CPNE8: variants seen among roughly 807,000 people sequenced by gnomAD.
The protein encoded by CPNE8 is copine 8.
A neutral mutation model predicts 81.5 loss-of-function variants in CPNE8; 45 were observed. The ratio of observed to expected loss-of-function variants is 0.55; its 90% CI spans 0.44 to 0.71. The LOEUF (loss-of-function observed/expected upper bound fraction) is 0.71, where lower values mean the gene tolerates loss of function less well. Among genes scored for constraint, CPNE8 ranks in the 30% least tolerant of loss-of-function variants. CPNE8 has a pLI of 0.00. For missense variants in CPNE8, 594 were observed against 672.1 expected, an observed-to-expected ratio of 0.88 and a Z score of 1.28; for synonymous variants, 252 against 226.3, an observed-to-expected ratio of 1.11 and a Z score of -1.02.
chr12:38,763,223 TGA>T (rs769608010), intron 8 of CPNE8, among the ~76,000 whole-genome samples: 26 of 152,248 alleles, frequency 1.7e-4, no homozygotes, highest in Admixed American at 5.2e-4. Context: ...GAGCTGCCCT[TGA>T]GAGGCCAGAC....
chr12:38,836,200 A>G (rs1943378107), intron 5 of CPNE8, among the ~76,000 whole-genome samples: 1 of 152,194 alleles, frequency 6.6e-6, no homozygotes, highest in Non-Finnish European at 1.5e-5. Flanking sequence ...CAGTATAGGG[A>G]AAAATATCTT....
At chr12:38,833,159 T>C (rs1943318504) in intron 5 of CPNE8, among the ~76,000 whole-genome samples, 1 of 151,412 alleles carries the variant, frequency 6.6e-6, no homozygotes, top group African/African-American at 2.4e-5. Context: ...TCAAGACCAG[T>C]CGGGCCAACA....
intron 6 of CPNE8, among the ~76,000 whole-genome samples, chr12:38,790,731 T>C (rs529465715): frequency 6.6e-6 from 1 of 151,746 alleles, no homozygotes; most frequent in South Asian, 2.1e-4. Flanking sequence ...TATACCACTA[T>C]GTACCCACAA....
At chr12:38,706,927 A>G (rs145614129) in intron 13 of CPNE8, among the ~76,000 whole-genome samples, 1,636 of 152,346 alleles carry the variant, frequency 0.011, 33 homozygotes, top group African/African-American at 0.036. Context: ...TCATAGATGC[A>G]AACGTCCTCT....
At chr12:38,815,577 G>A (rs1454667680) in intron 6 of CPNE8, among the ~76,000 whole-genome samples, 1 of 152,130 alleles carries the variant, frequency 6.6e-6, no homozygotes, top group African/African-American at 2.4e-5. Context: ...TCATTTCTAA[G>A]ATTTTAATAA....
chr12:38,730,479 A>G (rs1051125474), intron 10 of CPNE8, 121 bp from the exon 11 acceptor site: 17 of 494,500 alleles, frequency 3.4e-5, no homozygotes, highest in African/African-American at 3.3e-4. Context: ...ATGAATATAA[A>G]TTAATAATTT....
intron 5 of CPNE8, among the ~76,000 whole-genome samples, chr12:38,839,043 A>G (rs889013180): frequency 1.3e-5 from 2 of 152,160 alleles, no homozygotes; most frequent in Admixed American, 6.6e-5. Context: ...GGGAACTGTT[A>G]GTCCAGCCAG....
rs1941078473 is a variant in CPNE8 at position 38,740,709 on chromosome 12, T to C, written c.723-10351A>G. Among the ~76,000 whole-genome samples the C allele has an allele frequency of 2.0e-5, 3 of 152,216 alleles. No individual in the cohort carries two copies. In the South Asian group the frequency reaches 6.2e-4, roughly 32 times the overall value. On this transcript the variant is annotated intron_variant, in intron 10 of 19. Coordinates refer to ENST00000331366, the MANE Select transcript of CPNE8 (RefSeq NM_153634.3). ...GATTACGTTTATTGATTTGCATATG[T>C]TGAACCAGCCTTGCATCCCAGGGAT...
At chr12:38,799,815 C>T (rs1360530935) in intron 6 of CPNE8, among the ~76,000 whole-genome samples, 1 of 143,708 alleles carries the variant, frequency 7.0e-6, no homozygotes, top group African/African-American at 2.5e-5. Flanking sequence ...GTGCGCGAGC[C>T]GAAGCAGGGC....
At chr12:38,906,327 G>A (rs1220453407), upstream of CPNE8, 2 of 984,962 alleles carry the variant, frequency 2.0e-6, no homozygotes, top group African/African-American at 1.7e-5. Flanking sequence ...TGGGACAAGT[G>A]GGGGCGGGGG....
At chr12:38,905,173 C>A (rs1382419544) in intron 1 of CPNE8, among the ~76,000 whole-genome samples, 3 of 152,164 alleles carry the variant, frequency 2.0e-5, no homozygotes, top group Admixed American at 6.5e-5. Flanking sequence ...CCGGTGTTCC[C>A]ACAGCTGAGT....
intron 10 of CPNE8, among the ~76,000 whole-genome samples, chr12:38,738,648 C>T (rs963727666): frequency 2.0e-5 from 3 of 152,030 alleles, no homozygotes; most frequent in Admixed American, 2.0e-4. Flanking sequence ...TCAGATCTTT[C>T]AGATTTGAAA....
rs770177609 is a variant in CPNE8 at position 38,749,749 on chromosome 12, G to A, written c.722+11098C>T. 7.2e-5 allele frequency among the ~76,000 whole-genome samples: 11 copies of A among 152,238 alleles called. No individual in the cohort carries two copies. The South Asian group carries it at 1.0e-3, about 14-fold the overall frequency. On this transcript the variant is annotated intron_variant, in intron 10 of 19. Transcript: ENST00000331366. ...TTTCTAAGCAGCAAAGCATTCAAGAGGTGATTAGGGTGCTGTTAAAGGCAT... is the reference window on the plus strand; with the variant it reads ...TTTCTAAGCAGCAAAGCATTCAAGAAGTGATTAGGGTGCTGTTAAAGGCAT...
intron 6 of CPNE8, among the ~76,000 whole-genome samples, chr12:38,820,545 T>C (rs1592119024): frequency 6.6e-6 from 1 of 152,210 alleles, no homozygotes. Context: ...GCTGGTGAAG[T>C]ATCAAATAAA....
chr12:38,667,603 T>A (rs1216583086), intron 19 of CPNE8, among the ~76,000 whole-genome samples: 2 of 152,184 alleles, frequency 1.3e-5, no homozygotes, highest in Admixed American at 1.3e-4. Flanking sequence ...GCCACTGTCA[T>A]TCAGGGTGCT....
chr12:38,784,080 G>A (rs1183844419), intron 6 of CPNE8, among the ~76,000 whole-genome samples: 5 of 152,176 alleles, frequency 3.3e-5, no homozygotes, highest in African/African-American at 1.2e-4. Flanking sequence ...AGACAGAGAA[G>A]TAAAAATAGC....
chr12:38,761,019 A>G, intron 9 of CPNE8, 131 bp from the exon 10 acceptor site: 1 of 695,440 alleles, frequency 1.4e-6, no homozygotes, highest in East Asian at 3.1e-5. Flanking sequence ...TATGAATTTG[A>G]AGTTAATTTT....
At chr12:38,674,286 A>T (rs1362010960) in intron 18 of CPNE8, among the ~76,000 whole-genome samples, 1 of 152,136 alleles carries the variant, frequency 6.6e-6, no homozygotes, top group Non-Finnish European at 1.5e-5. Context: ...GCTCTCAAAG[A>T]AAAAGAACTG....
chr12:38,905,707 C>G (rs1375892444), upstream of CPNE8: 1 of 1,443,000 alleles, frequency 6.9e-7, no homozygotes, highest in Non-Finnish European at 9.1e-7. Flanking sequence ...CGCGCAGAGC[C>G]ACGAGGGAAC....
Sources: allele counts gnomAD v4.1 joint callset (sites outside exome capture counted in the v4.1 genomes callset), GRCh38; gene constraint gnomAD v4.1.1; transcripts MANE v1.5; gene names NCBI Gene and HGNC (gene_info 2026-07-23, HGNC 2026-07-21).